PRKN: variants seen among roughly 807,000 people sequenced by gnomAD.
PRKN encodes E3 ubiquitin-protein ligase parkin.
In PRKN, 56 loss-of-function variants were observed where a neutral mutation model predicts 59.5. That is an observed-to-expected ratio of 0.94 (90% CI 0.76 to 1.18). The LOEUF (loss-of-function observed/expected upper bound fraction) is 1.18, where lower values mean the gene tolerates loss of function less well. Ranked by LOEUF, PRKN falls within the 50% of genes most tolerant of loss-of-function variation. The pLI is 0.00. For synonymous variants in PRKN, 250 were observed against 222.1 expected, an observed-to-expected ratio of 1.13 and a Z score of -1.12; for missense variants, 657 against 596.4, an observed-to-expected ratio of 1.10 and a Z score of -1.06.
intron 5 of PRKN, among the ~76,000 whole-genome samples, chr6:161,987,813 T>C (rs1228251524): frequency 6.6e-6 from 1 of 152,194 alleles, no homozygotes; most frequent in Non-Finnish European, 1.5e-5. Flanking sequence ...AAGGACACCA[T>C]TAAAGTTATT....
chr6:162,015,154 GA>G (rs1409201469), intron 5 of PRKN, among the ~76,000 whole-genome samples: 2 of 152,154 alleles, frequency 1.3e-5, no homozygotes, highest in African/African-American at 4.8e-5. Flanking sequence ...TTCCTCTAGT[GA>G]AGTGGTGGGG....
Position 161,473,981 on chromosome 6 carries a change from T to C in PRKN, c.1083+74873A>G, listed in dbSNP as rs1367492036. On this transcript the variant is annotated intron_variant, in intron 9 of 11. Coordinates refer to ENST00000366898, the MANE Select transcript of PRKN (RefSeq NM_004562.3). The surrounding 1 kb of genome is among the most constrained non-coding windows in gnomAD (Gnocchi z 4.1). The stretch of plus-strand genomic sequence containing the variant: ...CAAATTTTATGCTTGTGGAAATCTA[T>C]CCACCCAAGCTTAGGCAGAGCCAGA... 6.6e-6 allele frequency among the ~76,000 whole-genome samples: 1 copy of C among 152,104 alleles called. No individual in the cohort carries two copies. Among genetic ancestry groups the C allele is most frequent in the Non-Finnish European group, 1.5e-5 (1 of 68,022 alleles).
At chr6:162,348,864 T>C (rs1164551694) in intron 2 of PRKN, among the ~76,000 whole-genome samples, 1 of 151,998 alleles carries the variant, frequency 6.6e-6, no homozygotes, top group African/African-American at 2.4e-5. Flanking sequence ...GATAGTACAA[T>C]AGATAAACAT....
At chr6:162,116,778 T>C (rs191308616) in intron 4 of PRKN, among the ~76,000 whole-genome samples, 143 of 152,188 alleles carry the variant, frequency 9.4e-4, no homozygotes, top group African/African-American at 3.4e-3. Flanking sequence ...GGCGTGAAAG[T>C]CATTTAGAGG....
In PRKN at chr6:161,801,378, C is replaced by T. The variant is rs534467285; in HGVS notation, c.735-15470G>A. ...AAGTCAGTTTAGTTCACGGTTCTTT[C>T]GGGAGAAAGATGGGGCTATAAAGGG... On this transcript the variant is annotated intron_variant, in intron 6 of 11. Coordinates refer to ENST00000366898, the MANE Select transcript of PRKN (RefSeq NM_004562.3). Among the ~76,000 whole-genome samples, 8 of 152,238 alleles carry T rather than the reference C, an allele frequency of 5.3e-5. No individual in the cohort carries two copies. The East Asian group carries it at 7.7e-4, about 15-fold the overall frequency.
intron 4 of PRKN, among the ~76,000 whole-genome samples, chr6:162,073,751 C>T (rs1437328071): frequency 6.6e-6 from 1 of 152,226 alleles, no homozygotes; most frequent in East Asian, 1.9e-4. Flanking sequence ...TGCCCTCAGC[C>T]CTCTACAGCT....
intron 4 of PRKN, among the ~76,000 whole-genome samples, chr6:162,083,265 T>C (rs1779129928): frequency 6.6e-6 from 1 of 152,062 alleles, no homozygotes; most frequent in South Asian, 2.1e-4. Context: ...CCAATCACTC[T>C]AACAGATTAA....
rs1468776578 is a variant in PRKN at position 161,527,487 on chromosome 6, G to A, written c.1083+21367C>T. On this transcript the variant is annotated intron_variant, in intron 9 of 11. Coordinates refer to ENST00000366898, the MANE Select transcript of PRKN (RefSeq NM_004562.3). The surrounding 1 kb of genome is among the most constrained non-coding windows in gnomAD (Gnocchi z 4.6). ...CCTGCTGGATGCTATGCCCACATGA[G>A]GGAGGGGTGCCTTCTAATTCACAGC... is the stretch of plus-strand genomic sequence containing the variant. Among the ~76,000 whole-genome samples the A allele has an allele frequency of 7.2e-5, 11 of 152,178 alleles. No individual in the cohort carries two copies. Among genetic ancestry groups the A allele is most frequent in the Admixed American group, 4.6e-4 (7 of 15,286 alleles).
intron 3 of PRKN, among the ~76,000 whole-genome samples, chr6:162,212,180 C>G (rs1222170444): frequency 6.6e-6 from 1 of 152,080 alleles, no homozygotes; most frequent in Non-Finnish European, 1.5e-5. Flanking sequence ...CTACCCTAAA[C>G]ACTCCTTGCT....
In PRKN at chr6:161,391,311, G is replaced by A. The variant is rs2114955607; in HGVS notation, c.1084-4434C>T. Among the ~76,000 whole-genome samples the A allele has an allele frequency of 6.6e-6, 1 of 152,134 alleles. No homozygotes were observed. The highest frequency in any genetic ancestry group is 1.5e-5 in the Non-Finnish European group (1 of 68,006). On this transcript the variant is annotated intron_variant, in intron 9 of 11. Coordinates refer to ENST00000366898, the MANE Select transcript of PRKN (RefSeq NM_004562.3). This position sits in a 1 kb window ranked among gnomAD's most constrained non-coding sequence, Gnocchi z 4.9. ...CATAATACCTCTCCAAACCTTATGAGTCAACATTAACCGAATGGAAGTTAG... is the reference window on the plus strand; with the variant it reads ...CATAATACCTCTCCAAACCTTATGAATCAACATTAACCGAATGGAAGTTAG...
chr6:161,489,063 TA>T (rs1777449953), intron 9 of PRKN, among the ~76,000 whole-genome samples: 1 of 152,156 alleles, frequency 6.6e-6, no homozygotes, highest in African/African-American at 2.4e-5. Flanking sequence ...CAATACTTTT[TA>T]AAAAGAGTCT....
In PRKN at chr6:161,793,249, A is replaced by G. The variant is rs115427587; in HGVS notation, c.735-7341T>C. On this transcript the variant is annotated intron_variant, in intron 6 of 11. Transcript: ENST00000366898. ...AATCCTGAAATCAGTTCAGTTGTCC[A>G]TTGGCCTGCTTAGAATCACAGTCCT... Among the ~76,000 whole-genome samples the G allele has an allele frequency of 8.7e-3, 1,328 of 152,270 alleles. 23 individuals are homozygous for G. Among genetic ancestry groups the G allele is most frequent in the African/African-American group, 0.031 (1,271 of 41,560 alleles).
chr6:161,440,535 A>G lies in PRKN; in HGVS notation c.1084-53658T>C, dbSNP rs1164658268. ...ATAGATTGAATTGTTCTGCAAAGAC[A>G]TGGTCGGCAGACACAGAGGGTTCCC... is the stretch of plus-strand genomic sequence containing the variant. On this transcript the variant is annotated intron_variant, in intron 9 of 11. Coordinates refer to ENST00000366898, the MANE Select transcript of PRKN (RefSeq NM_004562.3). This position sits in a 1 kb window ranked among gnomAD's most constrained non-coding sequence, Gnocchi z 4.1. Among the ~76,000 whole-genome samples, 2 of 152,218 alleles carry G rather than the reference A, an allele frequency of 1.3e-5. No individual in the cohort carries two copies. Among genetic ancestry groups the G allele is most frequent in the African/African-American group, 4.8e-5 (2 of 41,460 alleles).
At chr6:161,826,282 T>A (rs547412264) in intron 6 of PRKN, among the ~76,000 whole-genome samples, 1 of 152,234 alleles carries the variant, frequency 6.6e-6, no homozygotes, top group East Asian at 1.9e-4. Flanking sequence ...TTAAGACAAA[T>A]TTTAAAACAA....
At chr6:162,071,134 C>T (rs1030612724) in intron 4 of PRKN, among the ~76,000 whole-genome samples, 5 of 151,638 alleles carry the variant, frequency 3.3e-5, no homozygotes, top group Non-Finnish European at 5.9e-5. Context: ...TTTCACTGGA[C>T]GGTATTCGAC....
In PRKN at chr6:161,425,261, A is replaced by G. The variant is rs535267767; in HGVS notation, c.1084-38384T>C. On this transcript the variant is annotated intron_variant, in intron 9 of 11. Coordinates refer to ENST00000366898, the MANE Select transcript of PRKN (RefSeq NM_004562.3). ...TGTACAGCCCACCAGCTTTCTACTG[A>G]CTCGTGTTAGAGAGCAGTGGGCAAA... Among the ~76,000 whole-genome samples the G allele has an allele frequency of 7.9e-5, 12 of 152,212 alleles. No individual in the cohort carries two copies. The South Asian group carries it at 1.7e-3, about 21-fold the overall frequency.
At chr6:162,536,460 C>T (rs1778724886) in intron 1 of PRKN, among the ~76,000 whole-genome samples, 1 of 152,004 alleles carries the variant, frequency 6.6e-6, no homozygotes, top group Non-Finnish European at 1.5e-5. Flanking sequence ...TTAAGGTCAC[C>T]TGCTTTAAAA....
chr6:161,847,895 C>T (rs1342461651), intron 6 of PRKN, among the ~76,000 whole-genome samples: 1 of 152,138 alleles, frequency 6.6e-6, no homozygotes, highest in African/African-American at 2.4e-5. Context: ...GCCCTGAGCA[C>T]AAAACCTGTG....
chr6:162,071,332 G>A (rs987566899), intron 4 of PRKN, among the ~76,000 whole-genome samples: 3 of 151,332 alleles, frequency 2.0e-5, no homozygotes, highest in African/African-American at 4.9e-5. Flanking sequence ...TGACAATGTG[G>A]CCCATTTTGA....
Sources: allele counts gnomAD v4.1 joint callset (sites outside exome capture counted in the v4.1 genomes callset), GRCh38; gene constraint gnomAD v4.1.1; non-coding constraint Gnocchi (gnomAD v3.1); transcripts MANE v1.5; gene names NCBI Gene and HGNC (gene_info 2026-07-23, HGNC 2026-07-21).